The following MIPOL1 variants were observed in gnomAD, a reference collection of about 807,000 sequenced individuals.
MIPOL1 encodes mirror-image polydactyly 1, also known as mirror-image polydactyly gene 1 protein.
A neutral mutation model predicts 60.9 loss-of-function variants in MIPOL1; 57 were observed. The observed-to-expected ratio is 0.94, with a 90% CI of 0.76 to 1.17. The LOEUF (loss-of-function observed/expected upper bound fraction) is 1.17. Ranked by LOEUF, MIPOL1 falls within the 50% of genes most tolerant of loss-of-function variation. The pLI, the probability that MIPOL1 is intolerant of heterozygous loss-of-function variation, is 0.00. For synonymous variants in MIPOL1, 179 were observed against 168.8 expected (o/e 1.06, Z -0.47); for missense variants, 551 against 511.6 (o/e 1.08, Z -0.74).
At chr14:37,456,212 T>G (rs1414482569) in intron 11 of MIPOL1, among the ~76,000 whole-genome samples, 3 of 152,058 alleles carry the variant, frequency 2.0e-5, no homozygotes, top group Non-Finnish European at 4.4e-5. Flanking sequence ...TTAGTCTTCT[T>G]TCATATATTC....
At position 37,482,348 on chromosome 14, in the gene MIPOL1, A is replaced by T. The variant is rs183173192; in HGVS notation, c.1032-17560A>T. On this transcript the variant is annotated intron_variant, in intron 11 of 12. Transcript: ENST00000684589. ...ATGTTTAATTGCTAATTATAGGGAA[A>T]TGCAAATTAAAACCACAATAAGATA... is the stretch of plus-strand genomic sequence containing the variant. 1.6e-3 allele frequency among the ~76,000 whole-genome samples: 248 copies of T among 152,330 alleles called. 2 individuals are homozygous for T. The highest frequency in any genetic ancestry group is 5.7e-3 in the African/African-American group (238 of 41,580).
At chr14:37,355,803 T>G (rs948060152) in intron 9 of MIPOL1, among the ~76,000 whole-genome samples, 4 of 150,718 alleles carry the variant, frequency 2.7e-5, no homozygotes, top group African/African-American at 4.9e-5. Context: ...TAGTTATACA[T>G]TCTTCTAAAT....
At chr14:37,321,570 A>G (rs2088578012) in intron 9 of MIPOL1, among the ~76,000 whole-genome samples, 1 of 151,834 alleles carries the variant, frequency 6.6e-6, no homozygotes, top group Non-Finnish European at 1.5e-5. Context: ...TGAGTGTAGT[A>G]TTGTCTCCGT....
At chr14:37,397,384 T>TGGGGGG (rs2093393272) in intron 10 of MIPOL1, among the ~76,000 whole-genome samples, 8 of 142,570 alleles carry the variant, frequency 5.6e-5, no homozygotes, top group Non-Finnish European at 7.6e-5. Context: ...GTGGTGGGAG[T>TGGGGGG]GGGGAGGGGG....
intron 11 of MIPOL1, among the ~76,000 whole-genome samples, chr14:37,442,881 CTTTA>C (rs1296688905): frequency 2.6e-5 from 4 of 151,956 alleles, no homozygotes; most frequent in African/African-American, 9.7e-5. Flanking sequence ...GATCAGAAGA[CTTTA>C]TTTATACTGT....
intron 9 of MIPOL1, among the ~76,000 whole-genome samples, chr14:37,361,945 T>A (rs911210034): frequency 6.6e-6 from 1 of 152,108 alleles, no homozygotes; most frequent in Non-Finnish European, 1.5e-5. Context: ...TGCCTGCTTT[T>A]TTTGCTTTCC....
At chr14:37,445,932 T>G (rs1391572683) in intron 11 of MIPOL1, among the ~76,000 whole-genome samples, 2 of 152,142 alleles carry the variant, frequency 1.3e-5, no homozygotes, top group Non-Finnish European at 2.9e-5. Flanking sequence ...TCAAGATGGA[T>G]TAAAGACTTA....
At chr14:37,466,285 C>G (rs1274988088) in intron 11 of MIPOL1, among the ~76,000 whole-genome samples, 3 of 152,054 alleles carry the variant, frequency 2.0e-5, no homozygotes, top group African/African-American at 7.2e-5. Flanking sequence ...GTTTAAGTGA[C>G]AAAGTACTTG....
intron 9 of MIPOL1, among the ~76,000 whole-genome samples, chr14:37,347,108 A>C (rs751402921): frequency 6.6e-6 from 1 of 152,180 alleles, no homozygotes; most frequent in Admixed American, 6.6e-5. Context: ...CCGAAAAAGG[A>C]ATGTCTACTA....
chr14:37,251,311 T>C (rs1031849308), intron 3 of MIPOL1, among the ~76,000 whole-genome samples: 1 of 152,000 alleles, frequency 6.6e-6, no homozygotes, highest in African/African-American at 2.4e-5. Flanking sequence ...CGAGCAATTC[T>C]CCTGCCTCAG....
intron 6 of MIPOL1, chr14:37,277,219 T>C (rs2153399952): frequency 6.6e-6 from 1 of 151,422 alleles, no homozygotes; most frequent in East Asian, 1.9e-4. Flanking sequence ...TTTCAGAAAG[T>C]TATCTAAAGA....
intron 10 of MIPOL1, among the ~76,000 whole-genome samples, chr14:37,416,692 A>C (rs1244321372): frequency 6.6e-6 from 1 of 152,172 alleles, no homozygotes; most frequent in Non-Finnish European, 1.5e-5. Context: ...ATGACAAAGA[A>C]AAAGAAAACT....
chr14:37,349,898 C>A (rs1334408539), intron 9 of MIPOL1, among the ~76,000 whole-genome samples: 1 of 152,096 alleles, frequency 6.6e-6, no homozygotes, highest in Non-Finnish European at 1.5e-5. Flanking sequence ...AAAAAATGCA[C>A]TTCAGAATAG....
At chr14:37,333,891 G>A (rs914411000) in intron 9 of MIPOL1, among the ~76,000 whole-genome samples, 3 of 152,012 alleles carry the variant, frequency 2.0e-5, no homozygotes, top group Admixed American at 6.6e-5. Flanking sequence ...TAGAAATACA[G>A]TCGTCTCAAG....
chr14:37,332,647 T>C (rs926701610), intron 9 of MIPOL1, among the ~76,000 whole-genome samples: 3 of 152,190 alleles, frequency 2.0e-5, no homozygotes, highest in African/African-American at 7.2e-5. Flanking sequence ...TATTTATCAG[T>C]GCCATAAATT....
chr14:37,358,377 T>C (rs995439080), intron 9 of MIPOL1, among the ~76,000 whole-genome samples: 1 of 152,196 alleles, frequency 6.6e-6, no homozygotes, highest in Non-Finnish European at 1.5e-5. Context: ...CTGGGTCAAA[T>C]GTTATTTCTA....
intron 11 of MIPOL1, among the ~76,000 whole-genome samples, chr14:37,490,112 A>G (rs530931933): frequency 2.0e-5 from 3 of 152,280 alleles, no homozygotes; most frequent in Admixed American, 2.0e-4. Flanking sequence ...TAAGCCCCTG[A>G]CTGGTGCTGC....
chr14:37,311,324 T>A (rs1349712316), intron 9 of MIPOL1, among the ~76,000 whole-genome samples: 1 of 152,162 alleles, frequency 6.6e-6, no homozygotes, highest in Non-Finnish European at 1.5e-5. Flanking sequence ...AGAGCATAAT[T>A]AAATTGACTG....
intron 9 of MIPOL1, among the ~76,000 whole-genome samples, chr14:37,332,296 T>G (rs1455953318): frequency 6.6e-6 from 1 of 152,190 alleles, no homozygotes; most frequent in African/African-American, 2.4e-5. Context: ...AATGCTTTTT[T>G]TGAAATATAT....
Sources: gnomAD v4.1 joint callset for allele counts (sites outside exome capture counted in the v4.1 genomes callset) on GRCh38, gnomAD v4.1.1 for gene constraint, MANE v1.5 for transcripts, NCBI Gene and HGNC (gene_info 2026-07-23, HGNC 2026-07-21) for gene names.